OLIG1: variants seen among roughly 807,000 people sequenced by gnomAD.
OLIG1 encodes oligodendrocyte transcription factor 1.
Under a neutral mutation model 13.5 loss-of-function variants are expected in OLIG1, and 9 were observed. That is an observed-to-expected ratio of 0.67 (90% CI 0.40 to 1.17). The LOEUF (loss-of-function observed/expected upper bound fraction) is 1.17. Among genes scored for constraint, OLIG1 ranks in the 50% most tolerant of loss-of-function variants. The pLI is 0.01. For missense variants in OLIG1, 362 were observed against 392.2 expected, an observed-to-expected ratio of 0.92 and a Z score of 0.65; for synonymous variants, 215 against 208.3, an observed-to-expected ratio of 1.03 and a Z score of -0.28.
chr21:33,072,383 GA>G lies in OLIG1; in HGVS notation c.*1323del, dbSNP rs553102638. ...TAACCTTGTTTCCTGACGGTGTACAGAATCAACAAAATAAAACATTTAAAGT... is the reference window on the plus strand; with the variant it reads ...TAACCTTGTTTCCTGACGGTGTACAGATCAACAAAATAAAACATTTAAAGT... On this transcript the variant is annotated 3_prime_UTR_variant, in exon 1 of 1. Coordinates refer to ENST00000382348, the MANE Select transcript of OLIG1 (RefSeq NM_138983.3). 1.1e-4 allele frequency: 18 copies of G among 167,046 alleles called. No homozygotes were observed. In the South Asian group the frequency reaches 3.7e-3, roughly 35 times the overall value. 10.3% of individuals were successfully genotyped at this position (167,046 alleles called of 1,614,324 possible).
At position 33,070,922 on chromosome 21, in the gene OLIG1, G is replaced by A. The variant is rs1180620691; in HGVS notation, c.676G>A (p.Glu226Lys). Reference sequence around the variant, plus strand: ...CAAGTACCTGTCGCTGGCGCTGGACGAGCCGCCGTGCGGCCAGTTCGCTCT... The same window carrying A: ...CAAGTACCTGTCGCTGGCGCTGGACAAGCCGCCGTGCGGCCAGTTCGCTCT... ...PAKYLSLALD[E>K]PPCGQFALPG... The change falls in exon 1 of 1, where the codon GAG becomes AAG. Residue 226 changes from glutamate (E) to lysine (K), a missense_variant. By Grantham distance (56) the Glu-to-Lys change is moderately conservative. This residue lies in a region of OLIG1 where 94 missense variants were observed against 146.0 expected (regional missense o/e 0.64). Transcript: ENST00000382348. The surrounding 1 kb of genome is among the most constrained non-coding windows in gnomAD (Gnocchi z 5.9). 4 of 1,441,758 alleles carry A rather than the reference G, an allele frequency of 2.8e-6. No individual in the cohort carries two copies. Among genetic ancestry groups the A allele is most frequent in the African/African-American group, 3.0e-5 (2 of 67,080 alleles). The allele number at this position is 1,441,758 out of a possible 1,614,324, so 89.3% of individuals were successfully genotyped here.
In OLIG1 at chr21:33,070,499, G is replaced by A. The variant is rs775216609; in HGVS notation, c.253G>A (p.Gly85Arg). 37 of 1,503,026 alleles carry A rather than the reference G, an allele frequency of 2.5e-5. No homozygotes were observed. Among genetic ancestry groups the A allele is most frequent in the Non-Finnish European group, 3.1e-5 (35 of 1,132,066 alleles). The allele number at this position is 1,503,026 out of a possible 1,614,324, so 93.1% of individuals were successfully genotyped here. A position where few individuals can be genotyped will look rare whatever the true frequency, so the allele number is the denominator to read the frequency against. The change falls in exon 1 of 1, where the codon GGG (glycine) becomes AGG (arginine). Residue 85 changes from glycine (G) to arginine (R), a missense_variant. This residue lies in a region of OLIG1 where 206 missense variants were observed against 197.2 expected (regional missense o/e 1.04). Transcript: ENST00000382348. This position sits in a 1 kb window ranked among gnomAD's most constrained non-coding sequence, Gnocchi z 5.9. ...GGCCGAGCCTCCAGGCCCCGGGCCC[G>A]GGTCAGGCGCGCACCCGGGCGGCAG... ...APAEPPGPGP[G>R]SGAHPGGSAR...
Position 33,070,308 on chromosome 21 carries a change from A to G in OLIG1, c.62A>G (p.Gln21Arg). 3.2e-6 allele frequency: 5 copies of G among 1,546,512 alleles called. No homozygotes were observed. Among genetic ancestry groups the G allele is most frequent in the Non-Finnish European group, 4.4e-6 (5 of 1,145,428 alleles). The change falls in exon 1 of 1, where the codon CAG becomes CGG. Residue 21 changes from glutamine (Q) to arginine (R), a missense_variant. Gln to Arg is a conservative substitution (Grantham distance 43, BLOSUM62 1). Coordinates refer to ENST00000382348, the MANE Select transcript of OLIG1 (RefSeq NM_138983.3). This position sits in a 1 kb window ranked among gnomAD's most constrained non-coding sequence, Gnocchi z 5.9. ...GTCCCCGGGACCATGCTGCGGCCAC[A>G]GCGGCCCGGAGACTTGCAGCTCGGG... The part of the protein sequence containing the change: ...NAVPGTMLRP[Q>R]RPGDLQLGAS...
rs751587297 is a variant in OLIG1 at position 33,071,039 on chromosome 21, G to A, written c.793G>A (p.Val265Met). The A allele has an allele frequency of 1.0e-5, 15 of 1,451,576 alleles. No individual in the cohort carries two copies. The highest frequency in any genetic ancestry group is 7.5e-5 in the African/African-American group (5 of 66,630). The allele number at this position is 1,451,576 out of a possible 1,614,324, so 89.9% of individuals were successfully genotyped here. A position where few individuals can be genotyped will look rare whatever the true frequency, so the allele number is the denominator to read the frequency against. Residue 265 changes from valine to methionine, a missense_variant, in exon 1 of 1, where the codon GTG (valine) becomes ATG (methionine). By Grantham distance (21) the Val-to-Met change is conservative. Transcript: ENST00000382348. This position sits in a 1 kb window ranked among gnomAD's most constrained non-coding sequence, Gnocchi z 6.0. ...CCCGGCCAGCCTGGGCCTGGCCGCC[G>A]TGCAGGCGCAATTCTCCAAGTGAGG... The part of the protein sequence containing the change: ...LVPASLGLAA[V>M]QAQFSK
At position 33,070,726 on chromosome 21, in the gene OLIG1, C is replaced by T. The variant is rs1302847742; in HGVS notation, c.480C>T (p.Tyr160=). The part of the protein sequence containing the change: ...KIATLLLARN[Y]ILLLGSSLQE... ...CCACGCTGCTGCTCGCCCGCAACTACATCCTACTGCTGGGCAGCTCGCTGC... is the reference window on the plus strand; with the variant it reads ...CCACGCTGCTGCTCGCCCGCAACTATATCCTACTGCTGGGCAGCTCGCTGC... The change falls in exon 1 of 1, where the codon TAC becomes TAT. Residue 160 remains tyrosine, a synonymous_variant. Transcript: ENST00000382348. The surrounding 1 kb of genome is among the most constrained non-coding windows in gnomAD (Gnocchi z 5.9). 2 of 1,485,130 alleles carry T rather than the reference C, an allele frequency of 1.3e-6. No homozygotes were observed. The allele number at this position is 1,485,130 out of a possible 1,614,324, so 92.0% of individuals were successfully genotyped here.
At position 33,071,092 on chromosome 21, in the gene OLIG1, G is replaced by T. The variant is rs1601726781; in HGVS notation, c.*30G>T. The T allele has an allele frequency of 2.8e-6, 4 of 1,443,552 alleles. No homozygotes were observed. Among genetic ancestry groups the T allele is most frequent in the Non-Finnish European group, 3.6e-6 (4 of 1,100,270 alleles). The allele number at this position is 1,443,552 out of a possible 1,614,324, so 89.4% of individuals were successfully genotyped here. On this transcript the variant is annotated 3_prime_UTR_variant, in exon 1 of 1. Transcript: ENST00000382348. The surrounding 1 kb of genome is among the most constrained non-coding windows in gnomAD (Gnocchi z 6.0). ...GGGCCTGGGCCTGGGGCGCGACCTC[G>T]GCCCGGCCTCCCTTCGCTCAGCTTC...
In OLIG1 at chr21:33,070,945, T is replaced by C. The variant is rs1982209225; in HGVS notation, c.699T>C (p.Ala233=). 6.9e-7 allele frequency: 1 copy of C among 1,458,682 alleles called. No homozygotes were observed. The highest frequency in any genetic ancestry group is 3.0e-5 in the East Asian group (1 of 33,100). 90.4% of individuals were successfully genotyped at this position (1,458,682 alleles called of 1,614,324 possible). A position where few individuals can be genotyped will look rare whatever the true frequency, so the allele number is the denominator to read the frequency against. ...ALDEPPCGQF[A]LPGGGAGGPG... ...ACGAGCCGCCGTGCGGCCAGTTCGC[T>C]CTCCCCGGCGGCGGCGCAGGCGGCC... The change falls in exon 1 of 1, where the codon GCT becomes GCC. Residue 233 remains alanine, a synonymous_variant. Transcript: ENST00000382348. This position sits in a 1 kb window ranked among gnomAD's most constrained non-coding sequence, Gnocchi z 5.9.
chr21:33,070,663 C>G lies in OLIG1; in HGVS notation c.417C>G (p.His139Gln), dbSNP rs1949588596. The G allele has an allele frequency of 1.9e-6, 3 of 1,552,872 alleles. No individual in the cohort carries two copies. Among genetic ancestry groups the G allele is most frequent in the Non-Finnish European group, 8.6e-7 (1 of 1,156,234 alleles). Residue 139 changes from histidine to glutamine, a missense_variant, in exon 1 of 1, where the codon CAC (histidine) becomes CAG (glutamine). By Grantham distance (24) the His-to-Gln change is conservative. Around this residue, in one of 3 missense-constraint regions of OLIG1, gnomAD observed 206 missense variants for 197.2 expected, o/e 1.04. Coordinates refer to ENST00000382348, the MANE Select transcript of OLIG1 (RefSeq NM_138983.3). This position sits in a 1 kb window ranked among gnomAD's most constrained non-coding sequence, Gnocchi z 5.9. The stretch of plus-strand genomic sequence containing the variant: ...TCATCCTGCCCTACTCAGCGGCGCA[C>G]TGCCAGGGCGCGCCCGGCCGCAAGC... ...REVILPYSAA[H>Q]CQGAPGRKLS...
Position 33,070,959 on chromosome 21 carries a change from G to A in OLIG1, c.713G>A (p.Gly238Asp). 6.9e-7 allele frequency: 1 copy of A among 1,459,116 alleles called. No individual in the cohort carries two copies. Among genetic ancestry groups the A allele is most frequent in the Non-Finnish European group, 9.0e-7 (1 of 1,111,674 alleles). 90.4% of individuals were successfully genotyped at this position (1,459,116 alleles called of 1,614,324 possible). A position where few individuals can be genotyped will look rare whatever the true frequency, so the allele number is the denominator to read the frequency against. The change falls in exon 1 of 1, where the codon GGC becomes GAC. Residue 238 changes from glycine to aspartate, a missense_variant. By Grantham distance (94) the Gly-to-Asp change is moderately conservative (BLOSUM62 -1). Transcript: ENST00000382348. The surrounding 1 kb of genome is among the most constrained non-coding windows in gnomAD (Gnocchi z 5.9). Reference sequence around the variant, plus strand: ...GGCCAGTTCGCTCTCCCCGGCGGCGGCGCAGGCGGCCCCGGCCTCTGCACC... The same window carrying A: ...GGCCAGTTCGCTCTCCCCGGCGGCGACGCAGGCGGCCCCGGCCTCTGCACC... ...PCGQFALPGG[G>D]AGGPGLCTCA... is the part of the protein sequence containing the mutation.
In OLIG1 at chr21:33,071,066, C is replaced by A; in HGVS notation, c.*4C>A. The A allele has an allele frequency of 6.8e-7, 1 of 1,475,880 alleles. No individual in the cohort carries two copies. Among genetic ancestry groups the A allele is most frequent in the South Asian group, 1.3e-5 (1 of 78,182 alleles). The allele number at this position is 1,475,880 out of a possible 1,614,324, so 91.4% of individuals were successfully genotyped here. A position where few individuals can be genotyped will look rare whatever the true frequency, so the allele number is the denominator to read the frequency against. Reference sequence around the variant, plus strand: ...GCAGGCGCAATTCTCCAAGTGAGGGCGGGCCTGGGCCTGGGGCGCGACCTC... The same window carrying A: ...GCAGGCGCAATTCTCCAAGTGAGGGAGGGCCTGGGCCTGGGGCGCGACCTC... On this transcript the variant is annotated 3_prime_UTR_variant, in exon 1 of 1. Coordinates refer to ENST00000382348, the MANE Select transcript of OLIG1 (RefSeq NM_138983.3). The surrounding 1 kb of genome is among the most constrained non-coding windows in gnomAD (Gnocchi z 6.0).
Position 33,070,312 on chromosome 21 carries a change from G to T in OLIG1, c.66G>T (p.Arg22=). The T allele has an allele frequency of 6.5e-7, 1 of 1,546,664 alleles. No homozygotes were observed. ...CCGGGACCATGCTGCGGCCACAGCG[G>T]CCCGGAGACTTGCAGCTCGGGGCCT... is the stretch of plus-strand genomic sequence containing the variant. ...AVPGTMLRPQ[R]PGDLQLGASL... is the part of the protein sequence containing the mutation. The change falls in exon 1 of 1, where the codon CGG becomes CGT. Residue 22 remains arginine (R), a synonymous_variant. Transcript: ENST00000382348. The surrounding 1 kb of genome is among the most constrained non-coding windows in gnomAD (Gnocchi z 5.9).
At position 33,070,169 on chromosome 21, in the gene OLIG1, G is replaced by C. The variant is rs537474276; in HGVS notation, c.-78G>C. On this transcript the variant is annotated 5_prime_UTR_variant, in exon 1 of 1. Coordinates refer to ENST00000382348, the MANE Select transcript of OLIG1 (RefSeq NM_138983.3). The surrounding 1 kb of genome is among the most constrained non-coding windows in gnomAD (Gnocchi z 5.9). ...ATCGTTTCCCCGCGCGCAGGTCCGC[G>C]GGGAGGGGCGGCCTGCCGACCGGCC... is the stretch of plus-strand genomic sequence containing the variant. 1.4e-5 allele frequency: 20 copies of C among 1,406,998 alleles called. No individual in the cohort carries two copies. Among genetic ancestry groups the C allele is most frequent in the Non-Finnish European group, 1.8e-5 (19 of 1,078,804 alleles). 87.2% of individuals were successfully genotyped at this position (1,406,998 alleles called of 1,614,324 possible). A position where few individuals can be genotyped will look rare whatever the true frequency, so the allele number is the denominator to read the frequency against.
In OLIG1 at chr21:33,070,176, G is replaced by T; in HGVS notation, c.-71G>T. On this transcript the variant is annotated 5_prime_UTR_variant, in exon 1 of 1. Coordinates refer to ENST00000382348, the MANE Select transcript of OLIG1 (RefSeq NM_138983.3). This position sits in a 1 kb window ranked among gnomAD's most constrained non-coding sequence, Gnocchi z 5.9. ...CCCCGCGCGCAGGTCCGCGGGGAGG[G>T]GCGGCCTGCCGACCGGCCCACCCCA... 2.1e-6 allele frequency: 3 copies of T among 1,409,274 alleles called. No homozygotes were observed. Among genetic ancestry groups the T allele is most frequent in the Non-Finnish European group, 2.8e-6 (3 of 1,079,660 alleles). The allele number at this position is 1,409,274 out of a possible 1,614,324, so 87.3% of individuals were successfully genotyped here.
chr21:33,070,451 G>C lies in OLIG1; in HGVS notation c.205G>C (p.Ala69Pro). 6.6e-7 allele frequency: 1 copy of C among 1,524,956 alleles called. No homozygotes were observed. The allele number at this position is 1,524,956 out of a possible 1,614,324, so 94.5% of individuals were successfully genotyped here. A position where few individuals can be genotyped will look rare whatever the true frequency, so the allele number is the denominator to read the frequency against. ...GACGGCCCCCCTCCTCCCCAAGGCT[G>C]CGCGCGAGAAGCCGGAGGCGCCGGC... ...STTAPLLPKA[A>P]REKPEAPAEP... The change falls in exon 1 of 1, where the codon GCG (alanine) becomes CCG (proline). Residue 69 changes from alanine (A) to proline (P), a missense_variant. Ala to Pro is a conservative substitution (Grantham distance 27). This residue lies in a region of OLIG1 where 206 missense variants were observed against 197.2 expected (regional missense o/e 1.04). Coordinates refer to ENST00000382348, the MANE Select transcript of OLIG1 (RefSeq NM_138983.3). This position sits in a 1 kb window ranked among gnomAD's most constrained non-coding sequence, Gnocchi z 5.9.
Position 33,071,082 on chromosome 21 carries a change from G to T in OLIG1, c.*20G>T, listed in dbSNP as rs1601726768. On this transcript the variant is annotated 3_prime_UTR_variant, in exon 1 of 1. Transcript: ENST00000382348. The surrounding 1 kb of genome is among the most constrained non-coding windows in gnomAD (Gnocchi z 6.0). ...AAGTGAGGGCGGGCCTGGGCCTGGG[G>T]CGCGACCTCGGCCCGGCCTCCCTTC... 6.9e-7 allele frequency: 1 copy of T among 1,457,808 alleles called. No individual in the cohort carries two copies. The highest frequency in any genetic ancestry group is 9.0e-7 in the Non-Finnish European group (1 of 1,107,886). 90.3% of individuals were successfully genotyped at this position (1,457,808 alleles called of 1,614,324 possible).
rs908552364 is a variant in OLIG1, at chr21:33,070,847, G to T, written c.601G>T (p.Val201Leu). The T allele has an allele frequency of 5.7e-6, 7 of 1,219,464 alleles. No individual in the cohort carries two copies. The highest frequency in any genetic ancestry group is 7.2e-6 in the Non-Finnish European group (7 of 978,614). 75.5% of individuals were successfully genotyped at this position (1,219,464 alleles called of 1,614,324 possible). ...CCTGCTCGCCGCCGCGCCCGGCTCC[G>T]TGCTGCTGGCGCCCGGCGCCGTAGG... ...LPLLAAAPGS[V>L]LLAPGAVGPP... The change falls in exon 1 of 1, where the codon GTG becomes TTG. Residue 201 changes from valine (V) to leucine (L), a missense_variant. Val to Leu is a conservative substitution (Grantham distance 32). Coordinates refer to ENST00000382348, the MANE Select transcript of OLIG1 (RefSeq NM_138983.3). This position sits in a 1 kb window ranked among gnomAD's most constrained non-coding sequence, Gnocchi z 5.9.
chr21:33,070,285 C>G lies in OLIG1; in HGVS notation c.39C>G (p.Val13=). The G allele has an allele frequency of 1.3e-6, 2 of 1,543,326 alleles. No individual in the cohort carries two copies. The highest frequency in any genetic ancestry group is 1.2e-5 in the South Asian group (1 of 83,442). ...YAVSQARVNA[V]PGTMLRPQRP... ...TTTCCCAGGCGCGCGTGAACGCGGTCCCCGGGACCATGCTGCGGCCACAGC... is the reference window on the plus strand; with the variant it reads ...TTTCCCAGGCGCGCGTGAACGCGGTGCCCGGGACCATGCTGCGGCCACAGC... Residue 13 remains valine (V), a synonymous_variant, in exon 1 of 1, where the codon GTC becomes GTG. Transcript: ENST00000382348. This position sits in a 1 kb window ranked among gnomAD's most constrained non-coding sequence, Gnocchi z 5.9.
rs1455504586 is a variant in OLIG1 at position 33,071,873 on chromosome 21, C to T, written c.*811C>T. The T allele has an allele frequency of 3.0e-5, 5 of 167,118 alleles. No homozygotes were observed. The allele number at this position is 167,118 out of a possible 1,614,324, so 10.4% of individuals were successfully genotyped here. On this transcript the variant is annotated 3_prime_UTR_variant, in exon 1 of 1. Coordinates refer to ENST00000382348, the MANE Select transcript of OLIG1 (RefSeq NM_138983.3). This position sits in a 1 kb window ranked among gnomAD's most constrained non-coding sequence, Gnocchi z 6.0. ...GTTTCTTAGAAAGCAACTTAGAACT[C>T]GAGATTCACCTTTCGTTTCCCTTTC...
rs776510478 is a variant in OLIG1 at position 33,070,678 on chromosome 21, C to G, written c.432C>G (p.Pro144=). Residue 144 remains proline, a synonymous_variant, in exon 1 of 1, where the codon CCC becomes CCG. Transcript: ENST00000382348. The surrounding 1 kb of genome is among the most constrained non-coding windows in gnomAD (Gnocchi z 5.9). ...PYSAAHCQGA[P]GRKLSKIATL... is the part of the protein sequence containing the mutation. ...CAGCGGCGCACTGCCAGGGCGCGCC[C>G]GGCCGCAAGCTCTCCAAGATAGCCA... 6 of 1,544,960 alleles carry G rather than the reference C, an allele frequency of 3.9e-6. No homozygotes were observed. The African/African-American group carries it at 4.3e-5, about 11-fold the overall frequency.
Sources: gnomAD v4.1 joint callset for allele counts on GRCh38, gnomAD v4.1.1 for gene constraint, gnomAD v4.1.1 regional missense constraint, Gnocchi (gnomAD v3.1) non-coding constraint, MANE v1.5 for transcripts, NCBI Gene and HGNC (gene_info 2026-07-23, HGNC 2026-07-21) for gene names.